CACNA1S: variants seen among roughly 807,000 people sequenced by gnomAD.
CACNA1S encodes voltage-dependent L-type calcium channel subunit alpha-1S.
A neutral mutation model predicts 207.4 loss-of-function variants in CACNA1S; 126 were observed. That is an observed-to-expected ratio of 0.61 (90% CI 0.53 to 0.70). The LOEUF is 0.70. Among genes scored for constraint, CACNA1S ranks in the 30% least tolerant of loss-of-function variants. The probability of loss-of-function intolerance (pLI) is 0.00; values close to 1 mark genes in which losing one functional copy is unlikely to be tolerated. For missense variants in CACNA1S, 2,349 were observed against 2,422.8 expected, an observed-to-expected ratio of 0.97 and a Z score of 0.64; for synonymous variants, 960 against 932.7, an observed-to-expected ratio of 1.03 and a Z score of -0.53.
In CACNA1S at chr1:201,112,158, C is replaced by A. The variant is rs115342744; in HGVS notation, c.152+30G>T. 8.2e-5 allele frequency: 131 copies of A among 1,598,356 alleles called. 2 individuals carry two copies. The Admixed American group carries it at 1.2e-3, about 14-fold the overall frequency. On this transcript the variant is annotated intron_variant, in intron 1 of 43. Coordinates refer to ENST00000362061, the MANE Select transcript of CACNA1S (RefSeq NM_000069.3). ...GAATCCCTCCCTCATGACGCACACCCCCCCCCACGGCCCGGGCCCTGAAGG... is the reference window on the plus strand; with the variant it reads ...GAATCCCTCCCTCATGACGCACACCACCCCCCACGGCCCGGGCCCTGAAGG...
intron 2 of CACNA1S, among the ~76,000 whole-genome samples, chr1:201,107,991 A>G (rs1227214978): frequency 6.6e-6 from 1 of 152,200 alleles, no homozygotes; most frequent in African/African-American, 2.4e-5. Context: ...GCCTAACCCA[A>G]GGTTTTGCAA....
rs759024642 is a variant in CACNA1S at position 201,085,325 on chromosome 1, C to A, written c.1150+111G>T. The A allele has an allele frequency of 5.4e-4, 771 of 1,438,300 alleles. 3 individuals carry two copies. The highest frequency in any genetic ancestry group is 7.2e-4 in the Non-Finnish European group (737 of 1,020,800). The allele number at this position is 1,438,300 out of a possible 1,614,324, so 89.1% of individuals were successfully genotyped here. A position where few individuals can be genotyped will look rare whatever the true frequency, so the allele number is the denominator to read the frequency against. On this transcript the variant is annotated intron_variant, in intron 8 of 43. Coordinates refer to ENST00000362061, the MANE Select transcript of CACNA1S (RefSeq NM_000069.3). ...CATTTTGCTTTAGGCAAGTCACTCA[C>A]CCTCAAAGGACTAATGTTGGACTTG...
chr1:201,068,531 CTG>C (rs1471974529), intron 19 of CACNA1S, among the ~76,000 whole-genome samples: 5 of 150,882 alleles, frequency 3.3e-5, no homozygotes, highest in Non-Finnish European at 7.4e-5. Context: ...GCGTGAGCCA[CTG>C]CGCCCGGCCA....
chr1:201,043,662 T>G, intron 39 of CACNA1S, 131 bp from the exon 40 acceptor site: 1 of 796,806 alleles, frequency 1.3e-6, no homozygotes. Flanking sequence ...CAAAGGAGGA[T>G]GGACTGAGTG....
intron 2 of CACNA1S, among the ~76,000 whole-genome samples, chr1:201,097,134 C>T (rs74136317): frequency 0.011 from 1,721 of 152,196 alleles, 36 homozygotes; most frequent in African/African-American, 0.039. Context: ...CTACCGTCTC[C>T]TGCATCCAGC....
At chr1:201,045,410 GA>G (rs1238793633) in intron 38 of CACNA1S, among the ~76,000 whole-genome samples, 1 of 152,170 alleles carries the variant, frequency 6.6e-6, no homozygotes, top group Non-Finnish European at 1.5e-5. Context: ...GACAGCAAAT[GA>G]AATTTGAATG....
intron 1 of CACNA1S, among the ~76,000 whole-genome samples, chr1:201,110,918 A>G (rs1477672541): frequency 6.6e-6 from 1 of 152,226 alleles, no homozygotes; most frequent in African/African-American, 2.4e-5. Context: ...AAGTCTGGAA[A>G]GAGCTAGAGA....
At chr1:201,047,395 C>G in intron 37 of CACNA1S, 130 bp downstream of exon 37, 1 of 1,252,374 alleles carries the variant, frequency 8.0e-7, no homozygotes, top group East Asian at 2.4e-5. Flanking sequence ...GTTGGATGCC[C>G]GTGGGATCTA....
Position 201,049,069 on chromosome 1 carries a change from G to A in CACNA1S, c.4272C>T (p.Thr1424=). The change falls in exon 35 of 44, where the codon ACC becomes ACT. Residue 1424 remains threonine, a synonymous_variant. Coordinates refer to ENST00000362061, the MANE Select transcript of CACNA1S (RefSeq NM_000069.3). The part of the protein sequence containing the change: ...KGRIKHLDVV[T]LLRRIQPPLG... ...GAGGGGGCTGAATCCTTCTCAGCAG[G>A]GTCACCACGTCCAGGTGTTTGATTC... The A allele has an allele frequency of 1.2e-6, 2 of 1,613,540 alleles. No homozygotes were observed. The highest frequency in any genetic ancestry group is 1.1e-5 in the South Asian group (1 of 90,896).
intron 6 of CACNA1S, 69 bp from the exon 7 acceptor site, chr1:201,087,998 A>G: frequency 9.9e-7 from 1 of 1,009,018 alleles, no homozygotes; most frequent in East Asian, 2.5e-5. Context: ...CTGCTCATTA[A>G]GACTCCACCC....
At position 201,043,390 on chromosome 1, in the gene CACNA1S, A is replaced by G; in HGVS notation, c.4939T>C (p.Phe1647Leu). 6.2e-7 allele frequency: 1 copy of G among 1,614,164 alleles called. No homozygotes were observed. The highest frequency in any genetic ancestry group is 8.5e-7 in the Non-Finnish European group (1 of 1,180,022). ...GGGTTGGTGCGTGGATCTTGTGGGA[A>G]GTCCTCCAAGAAGACAGGTGACTCC... is the stretch of plus-strand genomic sequence containing the variant. ...EMESPVFLED[F>L]PQDPRTNPLA... Residue 1647 changes from phenylalanine (F) to leucine (L), a missense_variant, in exon 40 of 44, where the codon TTC becomes CTC. Transcript: ENST00000362061.
intron 23 of CACNA1S, 132 bp from the exon 24 acceptor site, chr1:201,062,222 C>T (rs985270719): frequency 1.7e-6 from 2 of 1,198,042 alleles, no homozygotes; most frequent in African/African-American, 3.0e-5. Context: ...GGGGACACCG[C>T]TGGGCGAGTC....
At chr1:201,043,066 A>G in intron 40 of CACNA1S, 1 of 575,862 alleles carries the variant, frequency 1.7e-6, no homozygotes, top group South Asian at 1.9e-5. Context: ...CACTGGGGCC[A>G]ATACTGACAT....
Position 201,087,864 on chromosome 1 carries a change from G to A in CACNA1S, c.966C>T (p.Ser322=). ...CCAGCACCAGGTTGAGGATGAAGAA[G>A]GATCCCAGCAAAATGAGGGTGACAA... ...IYFVTLILLG[S]FFILNLVLGV... is the part of the protein sequence containing the mutation. The change falls in exon 7 of 44, where the codon TCC becomes TCT. Residue 322 remains serine, a synonymous_variant. Transcript: ENST00000362061. 1 of 1,613,892 alleles carries A rather than the reference G, an allele frequency of 6.2e-7. No homozygotes were observed. The highest frequency in any genetic ancestry group is 1.1e-5 in the South Asian group (1 of 91,054).
chr1:201,052,677 G>A (rs764028131), intron 31 of CACNA1S, 29 bp from the exon 32 acceptor site: 1 of 1,565,492 alleles, frequency 6.4e-7, no homozygotes, highest in Non-Finnish European at 8.8e-7. Context: ...CCTGACTGTG[G>A]AACCTAGATT....
chr1:201,081,709 TG>T (rs11381909), intron 10 of CACNA1S, among the ~76,000 whole-genome samples: 5 of 152,244 alleles, frequency 3.3e-5, no homozygotes, highest in African/African-American at 9.6e-5. Flanking sequence ...TGGGGCCTGG[TG>T]GGGGGTGTTT....
Position 201,043,268 on chromosome 1 carries a change from TGGCC to T in CACNA1S, c.5048+9_5048+12del. ...GTACCTCTACACCCAGGGATGGCAG[TGGCC>T]GCCACTACCTGGAAAACACATGGCT... On this transcript the variant is annotated intron_variant, in intron 40 of 43. Coordinates refer to ENST00000362061, the MANE Select transcript of CACNA1S (RefSeq NM_000069.3). 1 of 1,614,154 alleles carries T rather than the reference TGGCC, an allele frequency of 6.2e-7. No homozygotes were observed. The highest frequency in any genetic ancestry group is 8.5e-7 in the Non-Finnish European group (1 of 1,180,020).
intron 9 of CACNA1S, among the ~76,000 whole-genome samples, 155 bp from the exon 10 acceptor site, chr1:201,083,477 G>T (rs1178161988): frequency 1.3e-5 from 2 of 152,234 alleles, no homozygotes; most frequent in East Asian, 3.8e-4. Flanking sequence ...TAGGGAGCCA[G>T]ACTGAGTAAA....
At chr1:201,092,972 C>T (rs1662292339) in intron 3 of CACNA1S, among the ~76,000 whole-genome samples, 2 of 152,190 alleles carry the variant, frequency 1.3e-5, no homozygotes, top group Admixed American at 6.5e-5. Flanking sequence ...AGTTGCTTGA[C>T]TTTTCTGTTC....
Sources: gnomAD v4.1 joint callset for allele counts (sites outside exome capture counted in the v4.1 genomes callset) on GRCh38, gnomAD v4.1.1 for gene constraint, MANE v1.5 for transcripts, NCBI Gene and HGNC (gene_info 2026-07-23, HGNC 2026-07-21) for gene names.